The following ARHGEF3 variants were observed in gnomAD, a reference collection of about 807,000 sequenced individuals.
ARHGEF3 encodes the protein Rho guanine nucleotide exchange factor 3.
Under a neutral mutation model 63.2 loss-of-function variants are expected in ARHGEF3, and 28 were observed. The ratio of observed to expected loss-of-function variants is 0.44; its 90% CI spans 0.33 to 0.61. The LOEUF (loss-of-function observed/expected upper bound fraction) is 0.61, where lower values mean the gene tolerates loss of function less well. Ranked by LOEUF, ARHGEF3 falls within the 20% of genes least tolerant of loss-of-function variation. The pLI is 0.03. For synonymous variants in ARHGEF3, 266 were observed against 254.2 expected (o/e 1.05, Z -0.44); for missense variants, 533 against 659.3 (o/e 0.81, Z 2.10).
intron 1 of ARHGEF3, among the ~76,000 whole-genome samples, chr3:57,052,198 C>T (rs1704703629): frequency 6.6e-6 from 1 of 152,206 alleles, no homozygotes; most frequent in East Asian, 1.9e-4. Flanking sequence ...AGCCAGCGTG[C>T]CGCTTGTTCT....
intron 1 of ARHGEF3, among the ~76,000 whole-genome samples, chr3:57,054,645 T>G (rs905750851): frequency 4.3e-5 from 4 of 92,586 alleles, no homozygotes; most frequent in African/African-American, 1.2e-4. Context: ...TCTCAAAAAT[T>G]TTTTTTTTTT....
At chr3:57,062,631 A>G (rs1439981389) in intron 1 of ARHGEF3, among the ~76,000 whole-genome samples, 4 of 152,166 alleles carry the variant, frequency 2.6e-5, no homozygotes, top group African/African-American at 7.2e-5. Flanking sequence ...GCAAAACACT[A>G]TGTAGCTGTT....
chr3:56,779,077 C>T (rs1163848141), intron 1 of ARHGEF3, among the ~76,000 whole-genome samples: 1 of 152,138 alleles, frequency 6.6e-6, no homozygotes, highest in African/African-American at 2.4e-5. Flanking sequence ...CATCGTCAGG[C>T]TCCAGTAGAT....
chr3:56,992,937 G>T (rs145367945), intron 2 of ARHGEF3, among the ~76,000 whole-genome samples: 6 of 152,134 alleles, frequency 3.9e-5, no homozygotes, highest in Admixed American at 3.9e-4. Flanking sequence ...GGGTTCAAGC[G>T]ATTCTCCTGC....
chr3:56,974,943 G>A (rs1037987380), intron 2 of ARHGEF3, among the ~76,000 whole-genome samples: 2 of 152,034 alleles, frequency 1.3e-5, no homozygotes, highest in African/African-American at 4.8e-5. Context: ...CCCACGCACC[G>A]ACACTGAGGG....
At chr3:56,879,316 AG>A (rs1049324225) in intron 4 of ARHGEF3, among the ~76,000 whole-genome samples, 1 of 152,188 alleles carries the variant, frequency 6.6e-6, no homozygotes, top group Admixed American at 6.5e-5. Context: ...TTTTAATCAA[AG>A]GGGGACATAG....
At chr3:56,936,272 G>C (rs557037361) in intron 3 of ARHGEF3, among the ~76,000 whole-genome samples, 7 of 152,254 alleles carry the variant, frequency 4.6e-5, no homozygotes, top group African/African-American at 1.7e-4. Context: ...CTATAGGTCA[G>C]TAACAAGTGA....
chr3:56,811,682 C>T (rs1158984819), intron 4 of ARHGEF3, among the ~76,000 whole-genome samples: 3 of 152,152 alleles, frequency 2.0e-5, no homozygotes, highest in Non-Finnish European at 4.4e-5. Context: ...CCAAGCTCAG[C>T]AAACATAGTT....
chr3:56,910,142 C>T (rs58884503), intron 3 of ARHGEF3, among the ~76,000 whole-genome samples: 68 of 152,292 alleles, frequency 4.5e-4, no homozygotes, highest in African/African-American at 1.6e-3. Context: ...CTTTACCCAA[C>T]TCCAGAGGTT....
intron 3 of ARHGEF3, among the ~76,000 whole-genome samples, chr3:56,904,158 T>C (rs2041613249): frequency 6.6e-6 from 1 of 152,168 alleles, no homozygotes; most frequent in Admixed American, 6.5e-5. Flanking sequence ...GCCTCCCAAG[T>C]AGCTGGGACT....
chr3:56,763,260 G>A (rs527319278), intron 2 of ARHGEF3, among the ~76,000 whole-genome samples: 18 of 152,258 alleles, frequency 1.2e-4, no homozygotes, highest in African/African-American at 2.9e-4. Flanking sequence ...CCTGGCACTC[G>A]GTCAGCAGGA....
chr3:57,005,001 C>G (rs1702414433), intron 2 of ARHGEF3, among the ~76,000 whole-genome samples: 1 of 151,152 alleles, frequency 6.6e-6, no homozygotes, highest in Admixed American at 6.6e-5. Context: ...GCTCTGTAAT[C>G]CCTGAAATAA....
chr3:57,073,403 T>G, intron 1 of ARHGEF3: 1 of 343,636 alleles, frequency 2.9e-6, no homozygotes, highest in East Asian at 4.8e-5. Context: ...CCACTGGAGT[T>G]GGGCAGCGTG....
intron 1 of ARHGEF3, among the ~76,000 whole-genome samples, chr3:56,781,434 A>G (rs2107875291): frequency 8.3e-6 from 1 of 120,750 alleles, no homozygotes; most frequent in East Asian, 3.5e-4. Flanking sequence ...TTTAGTAAAG[A>G]CAGGGTTTCA....
At chr3:56,805,499 C>T (rs112459499), upstream of ARHGEF3, among the ~76,000 whole-genome samples, 4 of 152,188 alleles carry the variant, frequency 2.6e-5, no homozygotes, top group African/African-American at 7.2e-5. Flanking sequence ...CCTCCCAAAG[C>T]GCTAGGATTA....
At chr3:56,743,085 A>G (rs550443436) in intron 7 of ARHGEF3, among the ~76,000 whole-genome samples, 1 of 152,288 alleles carries the variant, frequency 6.6e-6, no homozygotes, top group South Asian at 2.1e-4. Context: ...TGAAATATGG[A>G]AAGGAGGCAA....
chr3:56,869,224 C>G (rs762204465), intron 4 of ARHGEF3, among the ~76,000 whole-genome samples: 6 of 151,998 alleles, frequency 3.9e-5, no homozygotes, highest in Non-Finnish European at 8.8e-5. Flanking sequence ...GGGAATAAAC[C>G]CATTCAGGTT....
At position 56,728,961 on chromosome 3, in the gene ARHGEF3, T is replaced by G; in HGVS notation, c.*309A>C. The G allele has an allele frequency of 3.7e-6, 1 of 268,816 alleles. No homozygotes were observed. The highest frequency in any genetic ancestry group is 7.0e-5 in the South Asian group (1 of 14,330). The allele number at this position is 268,816 out of a possible 1,614,324, so 16.7% of individuals were successfully genotyped here. ...TCAAACAATCTATGTAAAACAGTAG[T>G]TTTGAGATTCTTTTTCTATTTTTTT... On this transcript the variant is annotated 3_prime_UTR_variant, in exon 10 of 10. Coordinates refer to ENST00000296315, the MANE Select transcript of ARHGEF3 (RefSeq NM_019555.3).
At chr3:57,060,301 CA>C (rs11349486) in intron 1 of ARHGEF3, 112,430 of 132,328 alleles carry the variant, frequency 0.85, 47,171 homozygotes, top group East Asian at 0.95. Flanking sequence ...GATTCTGTCT[CA>C]AAAAAAAAAA....
Sources: gnomAD v4.1 joint callset for allele counts (sites outside exome capture counted in the v4.1 genomes callset) on GRCh38, gnomAD v4.1.1 for gene constraint, MANE v1.5 for transcripts, NCBI Gene and HGNC (gene_info 2026-07-23, HGNC 2026-07-21) for gene names.